Variants in MUSK observed in about 807,000 individuals in gnomAD.
MUSK encodes the protein muscle, skeletal receptor tyrosine-protein kinase.
A neutral mutation model predicts 88.7 loss-of-function variants in MUSK; 55 were observed. The ratio of observed to expected loss-of-function variants is 0.62; its 90% CI spans 0.50 to 0.78. The LOEUF (loss-of-function observed/expected upper bound fraction) is 0.78. MUSK is among the 30% of genes least tolerant of loss of function. The pLI is 0.00. For missense variants in MUSK, 1,015 were observed against 1,074.3 expected (o/e 0.94, Z 0.77); for synonymous variants, 387 against 391.9 (o/e 0.99, Z 0.15).
chr9:110,800,500 C>T lies in MUSK; in HGVS notation c.2122C>T (p.Gln708Ter). 6.2e-7 allele frequency: 1 copy of T among 1,613,924 alleles called. No homozygotes were observed. Among genetic ancestry groups the T allele is most frequent in the East Asian group, 2.2e-5 (1 of 44,858 alleles). The change falls in exon 15 of 15, where the codon CAG (glutamine) becomes TAG (stop). Residue 708 changes from glutamine (Q) to a stop codon, truncating the protein, a stop_gained. Transcript: ENST00000374448. LOFTEE classifies it high-confidence loss of function. ...SCAEQLCIAR[Q>*]VAAGMAYLSE... is the part of the protein sequence containing the mutation. ...TGCTGAGCAGCTTTGCATTGCCAGG[C>T]AGGTGGCAGCTGGCATGGCTTACCT...
At chr9:110,681,254 C>T (rs987864459) in intron 1 of MUSK, among the ~76,000 whole-genome samples, 1 of 139,138 alleles carries the variant, frequency 7.2e-6, no homozygotes, top group African/African-American at 2.7e-5. Context: ...GCCCTGATGA[C>T]TGTGTATAAG....
intron 3 of MUSK, among the ~76,000 whole-genome samples, chr9:110,693,779 G>A (rs1293431424): frequency 6.6e-6 from 1 of 152,102 alleles, no homozygotes; most frequent in Non-Finnish European, 1.5e-5. Context: ...CTGTGCCTCA[G>A]CTTTACCATA....
At position 110,670,518 on chromosome 9, in the gene MUSK, A is replaced by G. The variant is rs575680486; in HGVS notation, c.79+1535A>G. 9.2e-5 allele frequency among the ~76,000 whole-genome samples: 14 copies of G among 152,322 alleles called. 1 individual carries two copies. In the South Asian group the frequency reaches 2.9e-3, roughly 32 times the overall value. On this transcript the variant is annotated intron_variant, in intron 1 of 14. Coordinates refer to ENST00000374448, the MANE Select transcript of MUSK (RefSeq NM_005592.4). ...ACCCCCAAAATCTCTCTATCTGAAT[A>G]AGTCTTAATTTATATTCTAGAAAGA...
chr9:110,770,682 G>T (rs532706053), intron 9 of MUSK, among the ~76,000 whole-genome samples: 25 of 151,206 alleles, frequency 1.7e-4, no homozygotes, highest in African/African-American at 5.6e-4. Flanking sequence ...TAGGAGTATG[G>T]TATGCCATTC....
intron 11 of MUSK, among the ~76,000 whole-genome samples, chr9:110,781,208 A>G (rs1339322271): frequency 6.6e-6 from 1 of 151,288 alleles, no homozygotes; most frequent in Non-Finnish European, 1.5e-5. Flanking sequence ...CCCTGACTCC[A>G]TTCTACTCTC....
chr9:110,713,570 C>A (rs574634114), intron 5 of MUSK, among the ~76,000 whole-genome samples: 5 of 151,982 alleles, frequency 3.3e-5, no homozygotes, highest in Admixed American at 6.6e-5. Flanking sequence ...CTCTCTTAGA[C>A]ATAATTTTAA....
chr9:110,781,513 T>C (rs1401919211), intron 11 of MUSK, among the ~76,000 whole-genome samples: 1 of 152,146 alleles, frequency 6.6e-6, no homozygotes, highest in East Asian at 1.9e-4. Flanking sequence ...CCTGACCTCG[T>C]GATTCACCCG....
At chr9:110,782,829 T>C (rs1588035076) in intron 11 of MUSK, among the ~76,000 whole-genome samples, 1 of 152,182 alleles carries the variant, frequency 6.6e-6, no homozygotes, top group Admixed American at 6.5e-5. Context: ...ACCACTCCTG[T>C]GGTGCCGGAT....
Position 110,689,438 on chromosome 9 carries a change from T to A in MUSK, c.358+2170T>A, listed in dbSNP as rs564912875. ...TATATATAATATATGTAAAAAATAT[T>A]AAAATATGTAAAAAATACATATTTA... On this transcript the variant is annotated intron_variant, in intron 3 of 14. Coordinates refer to ENST00000374448, the MANE Select transcript of MUSK (RefSeq NM_005592.4). Among the ~76,000 whole-genome samples, 554 of 107,728 alleles carry A rather than the reference T, an allele frequency of 5.1e-3. 11 individuals are homozygous for A. The highest frequency in any genetic ancestry group is 0.018 in the African/African-American group (408 of 22,554). The allele number at this position is 107,728 out of a possible 152,430, so 70.7% of individuals were successfully genotyped here. A position where few individuals can be genotyped will look rare whatever the true frequency, so the allele number is the denominator to read the frequency against.
Position 110,696,895 on chromosome 9 carries a change from C to A in MUSK, c.487-430C>A, listed in dbSNP as rs193218877. On this transcript the variant is annotated intron_variant, in intron 4 of 14. Transcript: ENST00000374448. The stretch of plus-strand genomic sequence containing the variant: ...TCTGAGATTTTAGCGTGCCTATTAC[C>A]TGAGTGCTGTACATTATACCCAGTA... Among the ~76,000 whole-genome samples the A allele has an allele frequency of 2.6e-3, 400 of 151,778 alleles. 3 individuals are homozygous for A. Among genetic ancestry groups the A allele is most frequent in the Non-Finnish European group, 2.5e-3 (167 of 67,954 alleles).
At chr9:110,760,605 T>C (rs1268474557) in intron 7 of MUSK, among the ~76,000 whole-genome samples, 1 of 150,140 alleles carries the variant, frequency 6.7e-6, no homozygotes, top group East Asian at 2.0e-4. Context: ...AAAAAAAAAA[T>C]AGAACAACTT....
At chr9:110,677,655 C>G (rs1224064892) in intron 1 of MUSK, among the ~76,000 whole-genome samples, 1 of 152,234 alleles carries the variant, frequency 6.6e-6, no homozygotes, top group Non-Finnish European at 1.5e-5. Context: ...ACACTCTTCT[C>G]TCTCCACTGC....
At chr9:110,714,803 T>C (rs2076724444) in intron 5 of MUSK, among the ~76,000 whole-genome samples, 1 of 152,168 alleles carries the variant, frequency 6.6e-6, no homozygotes, top group Non-Finnish European at 1.5e-5. Context: ...TTAACCCATT[T>C]TGTTCTTTGT....
rs1446730830 is a variant in MUSK, at chr9:110,806,056, G to C, written c.*5068G>C. On this transcript the variant is annotated 3_prime_UTR_variant, in exon 15 of 15. Coordinates refer to ENST00000374448, the MANE Select transcript of MUSK (RefSeq NM_005592.4). ...GGTAAAAATTAAAAAAATAATAAAA[G>C]TTCCCTTCTTCCTTTTCATCTCTAG... Among the ~76,000 whole-genome samples the C allele has an allele frequency of 1.3e-5, 2 of 151,808 alleles. No homozygotes were observed. The highest frequency in any genetic ancestry group is 3.9e-4 in the East Asian group (2 of 5,186).
chr9:110,761,450 C>T (rs1312683295), intron 7 of MUSK, among the ~76,000 whole-genome samples: 1 of 151,970 alleles, frequency 6.6e-6, no homozygotes, highest in Non-Finnish European at 1.5e-5. Flanking sequence ...ACAACCATTG[C>T]CTACTTTCTC....
At chr9:110,749,641 T>C (rs944356777) in intron 7 of MUSK, among the ~76,000 whole-genome samples, 2 of 152,212 alleles carry the variant, frequency 1.3e-5, no homozygotes, top group East Asian at 1.9e-4. Flanking sequence ...TGTTAGGAGG[T>C]TGAGAAGTGC....
At chr9:110,724,327 G>T (rs576653820) in intron 5 of MUSK, among the ~76,000 whole-genome samples, 2 of 151,980 alleles carry the variant, frequency 1.3e-5, no homozygotes, top group African/African-American at 4.8e-5. Context: ...ATTATGATTT[G>T]CCACTGTAAA....
intron 2 of MUSK, among the ~76,000 whole-genome samples, chr9:110,686,394 C>A (rs112588905): frequency 5.0e-4 from 76 of 152,168 alleles, no homozygotes; most frequent in African/African-American, 1.8e-3. Context: ...GTGATTAAAA[C>A]AAGAACCTCT....
At chr9:110,690,291 TAA>T (rs1410453764) in intron 3 of MUSK, among the ~76,000 whole-genome samples, 1 of 98,610 alleles carries the variant, frequency 1.0e-5, no homozygotes, top group Non-Finnish European at 1.7e-5. Context: ...TAAATATATA[TAA>T]ATATATATTT....
Sources: allele counts gnomAD v4.1 joint callset (sites outside exome capture counted in the v4.1 genomes callset), GRCh38; gene constraint gnomAD v4.1.1; transcripts MANE v1.5; gene names NCBI Gene and HGNC (gene_info 2026-07-23, HGNC 2026-07-21).